GPC4: variants seen among roughly 807,000 people sequenced by gnomAD.
GPC4 encodes glypican 4.
A neutral mutation model predicts 35.0 loss-of-function variants in GPC4; 10 were observed. That is an observed-to-expected ratio of 0.29 (90% confidence interval 0.18 to 0.48). The LOEUF (loss-of-function observed/expected upper bound fraction) is 0.48. GPC4 is among the 20% of genes least tolerant of loss of function. The pLI is 0.99. For synonymous variants in GPC4, 167 were observed against 170.2 expected (o/e 0.98, Z 0.15); for missense variants, 322 against 451.3 (o/e 0.71, Z 2.60).
At chrX:133,342,621 A>C (rs1662803702) in intron 1 of GPC4, among the ~76,000 whole-genome samples, 1 of 111,745 alleles carries the variant, frequency 8.9e-6, no homozygotes, top group African/African-American at 3.3e-5. Flanking sequence ...TGACACACGT[A>C]GTCCAAGACA....
At chrX:133,330,737 T>C (rs2068415851) in intron 2 of GPC4, among the ~76,000 whole-genome samples, 1 of 110,464 alleles carries the variant, frequency 9.1e-6, no homozygotes, top group African/African-American at 3.3e-5. Flanking sequence ...TGCTTGAAGC[T>C]AGGAGTTTTA....
At chrX:133,409,065 G>T (rs907888869) in intron 1 of GPC4, among the ~76,000 whole-genome samples, 1 of 108,734 alleles carries the variant, frequency 9.2e-6, no homozygotes, top group Non-Finnish European at 1.9e-5. Context: ...TGAGGCAAGA[G>T]AATCCTTTGA....
rs928201352 is a variant in GPC4, at chrX:133,311,288, C to A, written c.847G>T (p.Asp283Tyr). 2.5e-6 allele frequency: 3 copies of A among 1,210,081 alleles called. No homozygotes were observed. The highest frequency in any genetic ancestry group is 3.4e-6 in the Non-Finnish European group (3 of 895,191). Residue 283 changes from aspartate (D) to tyrosine (Y), a missense_variant, in exon 4 of 9, where the codon GAT becomes TAT. Asp to Tyr is a radical substitution (Grantham distance 160). Transcript: ENST00000370828. ...AAATTGTTCCATTCAAAATCGAGATCCCCTTGGTTGGCCAAACAGCCTCTC... is the reference window on the plus strand; with the variant it reads ...AAATTGTTCCATTCAAAATCGAGATACCCTTGGTTGGCCAAACAGCCTCTC... Reference protein sequence around the residue: ...IMRGCLANQGDLDFEWNNFID... With the variant: ...IMRGCLANQGYLDFEWNNFID...
intron 3 of GPC4, among the ~76,000 whole-genome samples, chrX:133,314,600 G>C (rs1314110862): frequency 9.0e-6 from 1 of 111,237 alleles, no homozygotes; most frequent in Non-Finnish European, 1.9e-5. Context: ...TACCAGAACT[G>C]AAAAGAGAGA....
intron 3 of GPC4, among the ~76,000 whole-genome samples, chrX:133,320,541 T>C (rs1177205528): frequency 9.5e-6 from 1 of 105,625 alleles, no homozygotes; most frequent in Non-Finnish European, 1.9e-5. Context: ...GGAGAACTGC[T>C]TGAACCCAGG....
chrX:133,362,683 G>T (rs190429307), intron 1 of GPC4, among the ~76,000 whole-genome samples: 2 of 112,068 alleles, frequency 1.8e-5, no homozygotes, highest in African/African-American at 6.5e-5. Context: ...AGCATTTCTG[G>T]AAGGAACAAA....
At chrX:133,329,636 C>G (rs2068410158) in intron 2 of GPC4, among the ~76,000 whole-genome samples, 1 of 110,934 alleles carries the variant, frequency 9.0e-6, no homozygotes, top group African/African-American at 3.3e-5. Context: ...CAAGAGAATA[C>G]CATACACACA....
At chrX:133,310,039 C>CT (rs2068307821) in intron 4 of GPC4, among the ~76,000 whole-genome samples, 1 of 111,365 alleles carries the variant, frequency 9.0e-6, no homozygotes, top group Admixed American at 9.6e-5. Flanking sequence ...ATATTCACAT[C>CT]TTTTTTTATC....
intron 1 of GPC4, among the ~76,000 whole-genome samples, chrX:133,395,746 C>G (rs1396592759): frequency 9.0e-6 from 1 of 111,351 alleles, no homozygotes; most frequent in Non-Finnish European, 1.9e-5. Context: ...AATCAGTTAC[C>G]ACTTCTTTTT....
chrX:133,392,182 G>A (rs779778101), intron 1 of GPC4, among the ~76,000 whole-genome samples: 62 of 107,469 alleles, frequency 5.8e-4, no homozygotes, highest in Admixed American at 1.1e-3. Context: ...GCAGTGAGCC[G>A]AGATTGCACC....
chrX:133,358,816 A>C (rs1005410880), intron 1 of GPC4, among the ~76,000 whole-genome samples: 1 of 111,414 alleles, frequency 9.0e-6, no homozygotes, highest in Non-Finnish European at 1.9e-5. Flanking sequence ...TCTGTCAAAT[A>C]GGTCTTCCTC....
rs2068269856 is a variant in GPC4, at chrX:133,302,245, G to A, written c.*622C>T. ...AACCTCCTTCTTGGATTGATGCTTT[G>A]AATACAATCTGACAAGTGGCTCAGA... On this transcript the variant is annotated 3_prime_UTR_variant, in exon 9 of 9. Transcript: ENST00000370828. 8.9e-6 allele frequency: 1 copy of A among 111,998 alleles called. No individual in the cohort carries two copies. Among genetic ancestry groups the A allele is most frequent in the Admixed American group, 9.6e-5 (1 of 10,457 alleles). 9.2% of individuals were successfully genotyped at this position (111,998 alleles called of 1,213,427 possible). A position where few individuals can be genotyped will look rare whatever the true frequency, so the allele number is the denominator to read the frequency against.
At chrX:133,386,234 CAAA>C (rs1297804504) in intron 1 of GPC4, among the ~76,000 whole-genome samples, 3 of 36,090 alleles carry the variant, frequency 8.3e-5, no homozygotes, top group Non-Finnish European at 1.2e-4. Context: ...GACCCTGTCT[CAAA>C]AAAAAAAAAA....
chrX:133,311,428 T>C lies in GPC4; in HGVS notation c.712-5A>G, dbSNP rs761804365. 8 of 1,207,316 alleles carry C rather than the reference T, an allele frequency of 6.6e-6. No individual in the cohort carries two copies. In the African/African-American group the frequency reaches 1.1e-4, roughly 16 times the overall value. ...ACACTGGGCTGTGGGGTTTACCTAA[T>C]GTGTGAAAAGAAAAAAAGACAGTAG... On this transcript the variant is annotated splice_polypyrimidine_tract_variant and splice_region_variant and intron_variant, in intron 3 of 8. Transcript: ENST00000370828.
At chrX:133,358,737 C>T (rs1488251208) in intron 1 of GPC4, among the ~76,000 whole-genome samples, 8 of 111,032 alleles carry the variant, frequency 7.2e-5, no homozygotes, top group Admixed American at 6.7e-4. Context: ...GACAGTATAT[C>T]GACCTTAGAG....
At chrX:133,306,226 T>C (rs1320030035) in intron 4 of GPC4, 72 bp from the exon 5 acceptor site, 2 of 1,114,828 alleles carry the variant, frequency 1.8e-6, no homozygotes, top group Admixed American at 2.3e-5. Context: ...GGTAAATCAA[T>C]CTGATTTTTT....
At chrX:133,359,442 G>A (rs1340021179) in intron 1 of GPC4, among the ~76,000 whole-genome samples, 1 of 111,233 alleles carries the variant, frequency 9.0e-6, no homozygotes, top group African/African-American at 3.3e-5. Context: ...AAAAAAAATA[G>A]TCCAGAGAAG....
intron 1 of GPC4, among the ~76,000 whole-genome samples, chrX:133,365,605 G>A (rs1233037583): frequency 9.0e-6 from 1 of 111,597 alleles, no homozygotes; most frequent in African/African-American, 3.3e-5. Context: ...ACCCTCCAAC[G>A]AACAGCTCTA....
intron 3 of GPC4, among the ~76,000 whole-genome samples, chrX:133,317,383 A>G (rs752639908): frequency 2.7e-5 from 3 of 111,380 alleles, no homozygotes; most frequent in Non-Finnish European, 5.7e-5. Context: ...TCTGCTATAA[A>G]AAGCCTTTTC....
Sources: gnomAD v4.1 joint callset for allele counts (sites outside exome capture counted in the v4.1 genomes callset) on GRCh38, gnomAD v4.1.1 for gene constraint, MANE v1.5 for transcripts, NCBI Gene and HGNC (gene_info 2026-07-23, HGNC 2026-07-21) for gene names.